CEP85L: variants seen among roughly 807,000 people sequenced by gnomAD.
CEP85L encodes centrosomal protein of 85 kDa-like.
A neutral mutation model predicts 100.3 loss-of-function variants in CEP85L; 60 were observed. The observed-to-expected ratio is 0.60, with a 90% CI of 0.49 to 0.74. The LOEUF (loss-of-function observed/expected upper bound fraction) is 0.74. Among genes scored for constraint, CEP85L ranks in the 30% least tolerant of loss-of-function variants. CEP85L has a pLI of 0.00. For synonymous variants in CEP85L, 319 were observed against 322.7 expected (o/e 0.99, Z 0.12); for missense variants, 973 against 936.2 (o/e 1.04, Z -0.51).
intron 4 of CEP85L, among the ~76,000 whole-genome samples, chr6:118,520,903 T>C (rs1232658925): frequency 6.6e-6 from 1 of 152,172 alleles, no homozygotes; most frequent in Non-Finnish European, 1.5e-5. Flanking sequence ...TCTATACACT[T>C]TTTCTCATGA....
chr6:118,612,601 C>T (rs1275992070), intron 2 of CEP85L, among the ~76,000 whole-genome samples: 2 of 134,192 alleles, frequency 1.5e-5, no homozygotes, highest in African/African-American at 5.6e-5. Context: ...GCGGAGCTGG[C>T]AGTGAGCCGA....
At chr6:118,655,837 C>T (rs1775768748), upstream of CEP85L, among the ~76,000 whole-genome samples, 1 of 152,200 alleles carries the variant, frequency 6.6e-6, no homozygotes. Context: ...AAACCAGTTA[C>T]CTATTTTATG....
chr6:118,530,356 A>G (rs1777221702), intron 3 of CEP85L, among the ~76,000 whole-genome samples: 1 of 151,778 alleles, frequency 6.6e-6, no homozygotes, highest in South Asian at 2.1e-4. Flanking sequence ...TTGAAGGAAC[A>G]TACTTAAAAA....
chr6:118,525,017 C>G (rs1776884657), intron 3 of CEP85L, among the ~76,000 whole-genome samples: 1 of 152,222 alleles, frequency 6.6e-6, no homozygotes, highest in African/African-American at 2.4e-5. Flanking sequence ...GTTTGTTTGT[C>G]TGTTTCTTTT....
At chr6:118,634,557 A>T (rs1174597335) in intron 1 of CEP85L, among the ~76,000 whole-genome samples, 3 of 152,218 alleles carry the variant, frequency 2.0e-5, no homozygotes, top group African/African-American at 7.2e-5. Context: ...CACTTTTACC[A>T]GCTTTGAGGT....
chr6:118,651,875 A>G (rs1775594171), upstream of CEP85L: 1 of 985,534 alleles, frequency 1.0e-6, no homozygotes, highest in Non-Finnish European at 1.2e-6. Flanking sequence ...CCCTTGGGTA[A>G]TCCCTCACGC....
At chr6:118,493,958 C>T (rs998482906) in intron 5 of CEP85L, among the ~76,000 whole-genome samples, 16 of 151,850 alleles carry the variant, frequency 1.1e-4, no homozygotes, top group Non-Finnish European at 2.1e-4. Context: ...TATCAGAAGT[C>T]GCCACTCAGT....
intron 1 of CEP85L, among the ~76,000 whole-genome samples, chr6:118,706,288 C>T (rs10457346): frequency 0.029 from 4,377 of 152,276 alleles, 96 homozygotes; most frequent in African/African-American, 0.051. Flanking sequence ...GAAGCTGATG[C>T]ATTTCCATCA....
chr6:118,626,201 G>C (rs928068294), intron 2 of CEP85L, among the ~76,000 whole-genome samples: 3 of 152,104 alleles, frequency 2.0e-5, no homozygotes, highest in African/African-American at 4.8e-5. Flanking sequence ...TTCAGTTCTG[G>C]ATAAATAATA....
intron 2 of CEP85L, among the ~76,000 whole-genome samples, chr6:118,609,374 A>T (rs932365227): frequency 6.6e-6 from 1 of 152,226 alleles, no homozygotes; most frequent in South Asian, 2.1e-4. Context: ...TTTTAAAACA[A>T]TATTCATCTT....
At chr6:118,640,292 C>A (rs994823551) in intron 1 of CEP85L, among the ~76,000 whole-genome samples, 4 of 151,996 alleles carry the variant, frequency 2.6e-5, no homozygotes, top group Non-Finnish European at 5.9e-5. Context: ...GTAAGTGACT[C>A]CAATAGTCTT....
intron 1 of CEP85L, among the ~76,000 whole-genome samples, chr6:118,705,800 T>C (rs565408715): frequency 6.9e-4 from 105 of 152,332 alleles, no homozygotes; most frequent in African/African-American, 2.4e-3. Flanking sequence ...GGTAACTCCA[T>C]ATGTCCAAAC....
intron 6 of CEP85L, among the ~76,000 whole-genome samples, chr6:118,485,374 A>G (rs1774102620): frequency 6.7e-6 from 1 of 149,012 alleles, no homozygotes; most frequent in Admixed American, 6.7e-5. Context: ...TGTATTTTCT[A>G]ATTTTTTTCA....
upstream of CEP85L, among the ~76,000 whole-genome samples, chr6:118,655,147 G>A (rs1434991569): frequency 6.6e-6 from 1 of 152,176 alleles, no homozygotes; most frequent in African/African-American, 2.4e-5. Context: ...ATAAAGGAAG[G>A]AAAATTAGGG....
chr6:118,502,764 T>G (rs983813805), intron 5 of CEP85L: 1 of 577,164 alleles, frequency 1.7e-6, no homozygotes, highest in African/African-American at 1.9e-5. Context: ...ACCAATAATC[T>G]TAAAGAACTT....
At chr6:118,468,456 C>T (rs1772695739) in intron 12 of CEP85L, among the ~76,000 whole-genome samples, 1 of 152,142 alleles carries the variant, frequency 6.6e-6, no homozygotes, top group Non-Finnish European at 1.5e-5. Flanking sequence ...ATGAGCGTTT[C>T]TGCAAAAGTA....
In CEP85L at chr6:118,617,291, G is replaced by A. The variant is rs567638096; in HGVS notation, c.232+15162C>T. ...CTTCCCCAAGAAAGCTATAAACAGC[G>A]AGAATTTTAGGTGTAAGTTTTCCTG... On this transcript the variant is annotated intron_variant, in intron 2 of 12. Transcript: ENST00000368491. 4.6e-5 allele frequency among the ~76,000 whole-genome samples: 7 copies of A among 152,192 alleles called. No individual in the cohort carries two copies. The East Asian group carries it at 9.7e-4, about 21-fold the overall frequency.
chr6:118,617,095 T>C (rs184277615), intron 2 of CEP85L, among the ~76,000 whole-genome samples: 327 of 152,110 alleles, frequency 2.1e-3, no homozygotes, highest in African/African-American at 7.6e-3. Flanking sequence ...GGAGATACAA[T>C]TAAAAGTGAG....
At chr6:118,636,576 T>C (rs1774506808) in intron 1 of CEP85L, among the ~76,000 whole-genome samples, 1 of 152,230 alleles carries the variant, frequency 6.6e-6, no homozygotes, top group Admixed American at 6.5e-5. Flanking sequence ...TTGGATGAGC[T>C]CAACATTCAG....
Sources: allele counts gnomAD v4.1 joint callset (sites outside exome capture counted in the v4.1 genomes callset), GRCh38; gene constraint gnomAD v4.1.1; transcripts MANE v1.5; gene names NCBI Gene and HGNC (gene_info 2026-07-23, HGNC 2026-07-21).